The following DOCK9 variants were observed in gnomAD, a reference collection of about 807,000 sequenced individuals.
DOCK9 encodes dedicator of cytokinesis 9.
A neutral mutation model predicts 263.3 loss-of-function variants in DOCK9; 89 were observed. The observed-to-expected ratio is 0.34, with a 90% confidence interval of 0.28 to 0.40. The LOEUF is 0.40. DOCK9 is among the 10% of genes least tolerant of loss of function. The pLI is 1.00. For synonymous variants in DOCK9, 976 were observed against 973.1 expected (o/e 1.00, Z -0.06); for missense variants, 2,140 against 2,603.4 (o/e 0.82, Z 3.87).
At chr13:99,072,524 A>C (rs945245286) in intron 1 of DOCK9, among the ~76,000 whole-genome samples, 1 of 152,212 alleles carries the variant, frequency 6.6e-6, no homozygotes, top group Non-Finnish European at 1.5e-5. Context: ...GATGGGGTTT[A>C]GCATCAGCTC....
intron 1 of DOCK9, among the ~76,000 whole-genome samples, chr13:99,005,071 C>CA (rs757548444): frequency 0.01 from 1,414 of 136,092 alleles, 17 homozygotes; most frequent in African/African-American, 0.031. Flanking sequence ...CCGGATATAC[C>CA]AAAAAAAAAA....
At chr13:99,057,936 C>T (rs2041002539) in intron 1 of DOCK9, among the ~76,000 whole-genome samples, 1 of 152,070 alleles carries the variant, frequency 6.6e-6, no homozygotes, top group South Asian at 2.1e-4. Flanking sequence ...TGATTGTATA[C>T]TGATTGAGAC....
At chr13:98,827,228 T>C (rs1053263715) in intron 43 of DOCK9, among the ~76,000 whole-genome samples, 1 of 152,228 alleles carries the variant, frequency 6.6e-6, no homozygotes, top group African/African-American at 2.4e-5. Context: ...GAAAAGAGGA[T>C]GCTTTGAAGA....
At chr13:99,012,154 T>A (rs1333587634) in intron 1 of DOCK9, among the ~76,000 whole-genome samples, 1 of 152,216 alleles carries the variant, frequency 6.6e-6, no homozygotes, top group Non-Finnish European at 1.5e-5. Flanking sequence ...ACAGTGCCTC[T>A]TGCCATTCCA....
chr13:98,897,555 T>A lies in DOCK9; in HGVS notation c.1642A>T (p.Ile548Phe), dbSNP rs2047627966. 8 of 1,614,032 alleles carry A rather than the reference T, an allele frequency of 5.0e-6. No homozygotes were observed. In the East Asian group the frequency reaches 1.8e-4, roughly 36 times the overall value. The change falls in exon 15 of 53, where the codon ATC becomes TTC. Residue 548 changes from isoleucine to phenylalanine, a missense_variant. Ile to Phe is a conservative substitution (Grantham distance 21). Coordinates refer to ENST00000682017, the MANE Select transcript of DOCK9 (RefSeq NM_001366683.2). ...AGCTTATTGCTGTCTTGCCTGTAGA[T>A]GGCAGAAAATCTGGCATTTTTGTCA... Reference protein sequence around the residue: ...NLDKNARFSAIYRQDSNKLSN... With the variant: ...NLDKNARFSAFYRQDSNKLSN...
upstream of DOCK9, among the ~76,000 whole-genome samples, chr13:98,979,043 C>A (rs1876180100): frequency 6.6e-6 from 1 of 152,104 alleles, no homozygotes; most frequent in African/African-American, 2.4e-5. Context: ...TTACTCTGTA[C>A]TTCATGGATA....
intron 15 of DOCK9, among the ~76,000 whole-genome samples, chr13:98,895,678 A>T (rs529886972): frequency 6.6e-6 from 1 of 152,092 alleles, no homozygotes; most frequent in Non-Finnish European, 1.5e-5. Context: ...AAAAAAAAAA[A>T]AGTTCTCCAA....
At chr13:98,795,457 G>A (rs2089260348) in intron 52 of DOCK9, among the ~76,000 whole-genome samples, 1 of 152,234 alleles carries the variant, frequency 6.6e-6, no homozygotes, top group Non-Finnish European at 1.5e-5. Context: ...CCCTTCAGGG[G>A]TTCACGGGGG....
At chr13:98,987,484 G>A (rs1878737422) in intron 1 of DOCK9, among the ~76,000 whole-genome samples, 1 of 152,168 alleles carries the variant, frequency 6.6e-6, no homozygotes, top group African/African-American at 2.4e-5. Context: ...AAGCCCTTCT[G>A]TCGTTTCAAA....
intron 1 of DOCK9, among the ~76,000 whole-genome samples, chr13:98,960,574 G>A (rs1430588661): frequency 6.6e-6 from 1 of 152,214 alleles, no homozygotes; most frequent in East Asian, 1.9e-4. Context: ...CATAACGGTG[G>A]TTCTGAAAGT....
At chr13:98,840,972 A>G (rs1478764546) in intron 38 of DOCK9, among the ~76,000 whole-genome samples, 1 of 152,224 alleles carries the variant, frequency 6.6e-6, no homozygotes, top group Non-Finnish European at 1.5e-5. Flanking sequence ...AACTCATGGC[A>G]TATGGTTTTA....
intron 1 of DOCK9, among the ~76,000 whole-genome samples, chr13:99,072,907 G>A (rs1437659459): frequency 6.6e-6 from 1 of 152,156 alleles, no homozygotes; most frequent in African/African-American, 2.4e-5. Context: ...CTGAAGATGG[G>A]AGGATTGCTT....
chr13:98,936,917 C>A (rs9554539), intron 2 of DOCK9, among the ~76,000 whole-genome samples: 25,691 of 152,158 alleles, frequency 0.17, 3,043 homozygotes, highest in East Asian at 0.43. Flanking sequence ...TAGCTTATAG[C>A]GAAGTCCAAG....
intron 1 of DOCK9, among the ~76,000 whole-genome samples, chr13:99,049,314 C>G (rs1209264751): frequency 6.6e-6 from 1 of 152,210 alleles, no homozygotes; most frequent in Non-Finnish European, 1.5e-5. Flanking sequence ...ATGCTGAAGG[C>G]TGCTCCTTGG....
At chr13:98,888,035 T>C (rs2046058366) in intron 18 of DOCK9, 123 bp downstream of exon 18, 1 of 653,800 alleles carries the variant, frequency 1.5e-6, no homozygotes, top group East Asian at 2.7e-5. Context: ...TAACATTATA[T>C]ATTTTTGATT....
intron 1 of DOCK9, among the ~76,000 whole-genome samples, chr13:99,066,569 G>T (rs1321445309): frequency 6.6e-6 from 1 of 152,020 alleles, no homozygotes; most frequent in African/African-American, 2.4e-5. Context: ...GCTTAACATG[G>T]CTTCTGGAGT....
At chr13:99,079,543 T>C (rs1347387786) in intron 1 of DOCK9, among the ~76,000 whole-genome samples, 1 of 152,248 alleles carries the variant, frequency 6.6e-6, no homozygotes, top group Non-Finnish European at 1.5e-5. Flanking sequence ...CACTATTAAC[T>C]ACTTCACATG....
upstream of DOCK9, among the ~76,000 whole-genome samples, chr13:98,982,616 G>A (rs9554544): frequency 0.18 from 27,465 of 152,182 alleles, 3,217 homozygotes; most frequent in East Asian, 0.43. Context: ...AAGCACTCAC[G>A]ATGTATTTGC....
At chr13:99,013,919 G>T (rs902632727) in intron 1 of DOCK9, among the ~76,000 whole-genome samples, 1 of 152,330 alleles carries the variant, frequency 6.6e-6, no homozygotes. Context: ...AGAGAGACAA[G>T]CGTGGAGTGA....
Sources: allele counts gnomAD v4.1 joint callset (sites outside exome capture counted in the v4.1 genomes callset), GRCh38; gene constraint gnomAD v4.1.1; transcripts MANE v1.5; gene names NCBI Gene and HGNC (gene_info 2026-07-23, HGNC 2026-07-21).